Variants in TMTC2 observed in about 807,000 individuals in gnomAD.
TMTC2 encodes the protein protein O-mannosyl-transferase TMTC2.
Under a neutral mutation model 82.4 loss-of-function variants are expected in TMTC2, and 43 were observed. That is an observed-to-expected ratio of 0.52 (90% CI 0.41 to 0.67). The LOEUF is 0.67. Ranked by LOEUF, TMTC2 falls within the 30% of genes least tolerant of loss-of-function variation. The pLI, the probability that TMTC2 is intolerant of heterozygous loss-of-function variation, is 0.00. For synonymous variants in TMTC2, 408 were observed against 381.9 expected (o/e 1.07, Z -0.80); for missense variants, 919 against 1,012.4 (o/e 0.91, Z 1.25).
chr12:82,911,642 G>T (rs180788454), intron 3 of TMTC2, among the ~76,000 whole-genome samples: 41 of 151,596 alleles, frequency 2.7e-4, no homozygotes, highest in African/African-American at 9.7e-4. Context: ...TTGCTCTGTT[G>T]CCCAGGCTGG....
chr12:82,814,320 C>T (rs1365495432), intron 1 of TMTC2, among the ~76,000 whole-genome samples: 1 of 152,032 alleles, frequency 6.6e-6, no homozygotes, highest in Non-Finnish European at 1.5e-5. Context: ...GAAACTCTCA[C>T]CAGGAAGAGG....
chr12:82,687,569 A>G lies in TMTC2; in HGVS notation c.-18A>G. ...GCCCTCGCGCTGGGAGCCGAGCCGGAGGGAAGGCGGTGGAGAGATGATTGC... is the reference window on the plus strand; with the variant it reads ...GCCCTCGCGCTGGGAGCCGAGCCGGGGGGAAGGCGGTGGAGAGATGATTGC... On this transcript the variant is annotated 5_prime_UTR_variant, in exon 1 of 12. Coordinates refer to ENST00000321196, the MANE Select transcript of TMTC2 (RefSeq NM_152588.3). The G allele has an allele frequency of 1.3e-6, 2 of 1,589,594 alleles. No homozygotes were observed. The highest frequency in any genetic ancestry group is 8.5e-7 in the Non-Finnish European group (1 of 1,169,622).
chr12:82,711,036 T>G (rs1303319240), intron 1 of TMTC2, among the ~76,000 whole-genome samples: 1 of 152,234 alleles, frequency 6.6e-6, no homozygotes, highest in Non-Finnish European at 1.5e-5. Context: ...ATGAATCTTT[T>G]GAATTCTTTC....
chr12:82,780,652 A>G lies in TMTC2; in HGVS notation c.84-76358A>G, dbSNP rs575546609. On this transcript the variant is annotated intron_variant, in intron 1 of 11. Transcript: ENST00000321196. ...TTTAAAAAGTCTCTTCATAAGCAACAACAAAAAAATGTTTGCGTCATGAGA... is the reference window on the plus strand; with the variant it reads ...TTTAAAAAGTCTCTTCATAAGCAACGACAAAAAAATGTTTGCGTCATGAGA... 3.5e-4 allele frequency among the ~76,000 whole-genome samples: 53 copies of G among 152,120 alleles called. 1 individual carries two copies. The highest frequency in any genetic ancestry group is 7.2e-4 in the Non-Finnish European group (49 of 68,006).
intron 1 of TMTC2, among the ~76,000 whole-genome samples, chr12:82,769,535 A>G (rs183599955): frequency 6.6e-6 from 1 of 152,012 alleles, no homozygotes; most frequent in South Asian, 2.1e-4. Flanking sequence ...TATGACAACA[A>G]CCTACCAGGC....
intron 1 of TMTC2, among the ~76,000 whole-genome samples, chr12:82,825,071 A>C (rs1013621901): frequency 6.6e-6 from 1 of 151,868 alleles, no homozygotes; most frequent in Non-Finnish European, 1.5e-5. Flanking sequence ...TCTGAGTGAC[A>C]AAACAAGACT....
chr12:83,099,292 G>A (rs1352880012), intron 11 of TMTC2, among the ~76,000 whole-genome samples: 1 of 152,128 alleles, frequency 6.6e-6, no homozygotes, highest in Non-Finnish European at 1.5e-5. Context: ...ATTTATACCA[G>A]TAATGAAAAT....
chr12:82,818,453 T>C (rs992734918), intron 1 of TMTC2, among the ~76,000 whole-genome samples: 2 of 152,170 alleles, frequency 1.3e-5, no homozygotes, highest in African/African-American at 4.8e-5. Context: ...CCTGACTCTT[T>C]CCATGCACTT....
At chr12:82,990,464 T>C (rs1220738594) in intron 8 of TMTC2, among the ~76,000 whole-genome samples, 1 of 152,178 alleles carries the variant, frequency 6.6e-6, no homozygotes, top group East Asian at 1.9e-4. Context: ...AAATCCTCTT[T>C]TATTTTTCTG....
chr12:83,043,304 T>C (rs550314657), intron 9 of TMTC2, among the ~76,000 whole-genome samples: 1 of 152,322 alleles, frequency 6.6e-6, no homozygotes, highest in South Asian at 2.1e-4. Flanking sequence ...TGTGTTATCA[T>C]CAACCCTCTC....
At chr12:82,930,400 C>T (rs760288640) in intron 3 of TMTC2, 31 bp from the exon 4 acceptor site, 3 of 1,326,168 alleles carry the variant, frequency 2.3e-6, no homozygotes, top group Admixed American at 3.7e-5. Flanking sequence ...GATTGATGCT[C>T]AGTCTGAAAA....
intron 3 of TMTC2, among the ~76,000 whole-genome samples, chr12:82,920,396 A>C (rs922052845): frequency 1.3e-5 from 2 of 152,114 alleles, no homozygotes; most frequent in South Asian, 4.1e-4. Context: ...TTCTAGAGGG[A>C]CCTCACATTT....
intron 8 of TMTC2, among the ~76,000 whole-genome samples, chr12:83,028,791 C>G (rs1881290009): frequency 6.6e-6 from 1 of 152,110 alleles, no homozygotes; most frequent in Admixed American, 6.6e-5. Context: ...TTAGAGAAAC[C>G]TAATCGGTAA....
At chr12:83,005,011 G>A (rs1479411269) in intron 8 of TMTC2, among the ~76,000 whole-genome samples, 1 of 143,608 alleles carries the variant, frequency 7.0e-6, no homozygotes, top group African/African-American at 2.7e-5. Flanking sequence ...AAACAGCCGA[G>A]TGGCCAATAT....
At chr12:83,003,391 C>T (rs550953517) in intron 8 of TMTC2, among the ~76,000 whole-genome samples, 4 of 147,576 alleles carry the variant, frequency 2.7e-5, no homozygotes, top group Admixed American at 1.3e-4. Flanking sequence ...ATGCCTCTTA[C>T]GTGGGGGTGT....
chr12:82,811,257 T>C (rs1868373586), intron 1 of TMTC2, among the ~76,000 whole-genome samples: 1 of 151,936 alleles, frequency 6.6e-6, no homozygotes, highest in Non-Finnish European at 1.5e-5. Context: ...TCTCCTTCTT[T>C]TATAAATTAC....
intron 1 of TMTC2, among the ~76,000 whole-genome samples, chr12:82,844,035 T>C (rs1870493856): frequency 6.6e-6 from 1 of 152,194 alleles, no homozygotes; most frequent in Non-Finnish European, 1.5e-5. Context: ...ATCTGGATAA[T>C]GCATCATGAA....
intron 8 of TMTC2, among the ~76,000 whole-genome samples, chr12:83,000,873 G>C (rs370978275): frequency 2.0e-5 from 3 of 152,104 alleles, no homozygotes; most frequent in Non-Finnish European, 2.9e-5. Context: ...CTTGACTTCC[G>C]TGCACCTGCA....
intron 1 of TMTC2, among the ~76,000 whole-genome samples, chr12:82,722,243 T>G (rs1217830823): frequency 6.6e-6 from 1 of 151,790 alleles, no homozygotes; most frequent in Non-Finnish European, 1.5e-5. Context: ...CCCCTAAAAT[T>G]GTGAAAGAAT....
Sources: allele counts gnomAD v4.1 joint callset (sites outside exome capture counted in the v4.1 genomes callset), GRCh38; gene constraint gnomAD v4.1.1; transcripts MANE v1.5; gene names NCBI Gene and HGNC (gene_info 2026-07-23, HGNC 2026-07-21).